The following KCNH1 variants were observed in gnomAD, a reference collection of about 807,000 sequenced individuals.
The protein encoded by KCNH1 is potassium voltage-gated channel subfamily H member 1, also known as voltage-gated delayed rectifier potassium channel KCNH1.
Under a neutral mutation model 69.2 loss-of-function variants are expected in KCNH1, and 27 were observed. The ratio of observed to expected loss-of-function variants is 0.39; its 90% CI spans 0.29 to 0.54. KCNH1 has a LOEUF of 0.54. Ranked by LOEUF, KCNH1 falls within the 20% of genes least tolerant of loss-of-function variation. The probability of loss-of-function intolerance (pLI) is 0.68; values close to 1 mark genes in which losing one functional copy is unlikely to be tolerated. For missense variants in KCNH1, 798 were observed against 1,261.6 expected, an observed-to-expected ratio of 0.63 and a Z score of 5.57; for synonymous variants, 456 against 487.7, an observed-to-expected ratio of 0.93 and a Z score of 0.86.
At position 210,797,414 on chromosome 1, in the gene KCNH1, G is replaced by C. The variant is rs539831425; in HGVS notation, c.1915+94C>G. 8.0e-5 allele frequency: 111 copies of C among 1,392,734 alleles called. No individual in the cohort carries two copies. The African/African-American group carries it at 1.4e-3, about 18-fold the overall frequency. 86.3% of individuals were successfully genotyped at this position (1,392,734 alleles called of 1,614,324 possible). A position where few individuals can be genotyped will look rare whatever the true frequency, so the allele number is the denominator to read the frequency against. ...TTAGCAATTGGCCCTGCCCTATGAAGCAATCTCTAACTGAAGGTGGCAGTG... is the reference window on the plus strand; with the variant it reads ...TTAGCAATTGGCCCTGCCCTATGAACCAATCTCTAACTGAAGGTGGCAGTG... On this transcript the variant is annotated intron_variant, in intron 9 of 10. Coordinates refer to ENST00000271751, the MANE Select transcript of KCNH1 (RefSeq NM_172362.3).
chr1:210,706,198 T>C (rs1681909177), intron 10 of KCNH1, among the ~76,000 whole-genome samples: 1 of 152,162 alleles, frequency 6.6e-6, no homozygotes, highest in African/African-American at 2.4e-5. Context: ...GAAGAGGAAG[T>C]TCCCCTTCCA....
At chr1:210,900,331 G>C (rs1041488247) in intron 7 of KCNH1, among the ~76,000 whole-genome samples, 1 of 152,320 alleles carries the variant, frequency 6.6e-6, no homozygotes, top group African/African-American at 2.4e-5. Flanking sequence ...AGCTGGGGCT[G>C]TTCAGACAGT....
chr1:210,868,377 T>A (rs1055901896), intron 7 of KCNH1, among the ~76,000 whole-genome samples: 1 of 152,030 alleles, frequency 6.6e-6, no homozygotes, highest in African/African-American at 2.4e-5. Context: ...AAATTTCATT[T>A]TCTTAATGGT....
At chr1:210,770,966 C>T (rs114701212) in intron 10 of KCNH1, among the ~76,000 whole-genome samples, 290 of 152,276 alleles carry the variant, frequency 1.9e-3, no homozygotes, top group Middle Eastern at 0.01. Context: ...CTCACAGGGT[C>T]CTAGTTTATT....
chr1:210,820,300 C>T (rs989083617), intron 7 of KCNH1, among the ~76,000 whole-genome samples: 4 of 152,102 alleles, frequency 2.6e-5, no homozygotes, highest in African/African-American at 9.7e-5. Flanking sequence ...TTTTAATAAT[C>T]CTAATTCCTA....
chr1:210,812,643 T>C (rs1684729854), intron 7 of KCNH1, among the ~76,000 whole-genome samples: 1 of 152,246 alleles, frequency 6.6e-6, no homozygotes, highest in Admixed American at 6.5e-5. Context: ...GTAGCTGTGC[T>C]GTTGCCTATG....
At chr1:211,020,328 G>A (rs1403583974) in intron 5 of KCNH1, among the ~76,000 whole-genome samples, 4 of 151,688 alleles carry the variant, frequency 2.6e-5, no homozygotes, top group Non-Finnish European at 2.9e-5. Context: ...CAAATACAAA[G>A]GATCATTAGA....
intron 7 of KCNH1, among the ~76,000 whole-genome samples, chr1:210,841,077 A>G (rs1685398296): frequency 6.6e-6 from 1 of 152,096 alleles, no homozygotes; most frequent in South Asian, 2.1e-4. Flanking sequence ...TAAAAAAACA[A>G]CTCAAAACCT....
At chr1:210,745,606 A>AC (rs1221981594) in intron 10 of KCNH1, among the ~76,000 whole-genome samples, 1 of 152,150 alleles carries the variant, frequency 6.6e-6, no homozygotes, top group East Asian at 1.9e-4. Context: ...ACTGTTCTGG[A>AC]AAGTACCACC....
intron 7 of KCNH1, among the ~76,000 whole-genome samples, chr1:210,896,010 T>C (rs1686858344): frequency 1.3e-5 from 2 of 152,140 alleles, no homozygotes; most frequent in African/African-American, 4.8e-5. Flanking sequence ...CAGGTATTGC[T>C]TATCAGAGTA....
intron 1 of KCNH1, among the ~76,000 whole-genome samples, chr1:211,126,827 G>A (rs2102502294): frequency 1.3e-5 from 2 of 151,912 alleles, no homozygotes; most frequent in East Asian, 3.9e-4. Flanking sequence ...ACAGAGCAAT[G>A]GGATATCCCA....
intron 1 of KCNH1, among the ~76,000 whole-genome samples, chr1:211,114,526 T>C (rs1485981396): frequency 6.6e-6 from 1 of 152,172 alleles, no homozygotes; most frequent in Non-Finnish European, 1.5e-5. Flanking sequence ...GCCATAAGAA[T>C]AAACAGGCTG....
chr1:211,005,878 T>G (rs1324521054), intron 6 of KCNH1, among the ~76,000 whole-genome samples: 1 of 152,088 alleles, frequency 6.6e-6, no homozygotes, highest in Non-Finnish European at 1.5e-5. Flanking sequence ...ATAAAGAACT[T>G]CTACAAATCA....
chr1:210,806,855 A>ATATATATATATATATATATATATATAT (rs1553346606), intron 7 of KCNH1, among the ~76,000 whole-genome samples: 6 of 127,386 alleles, frequency 4.7e-5, no homozygotes, highest in African/African-American at 9.1e-5. Flanking sequence ...ATATATATAT[A>ATATATATATATATATATATATATATAT]AATTTGCCGG....
chr1:210,746,185 T>C (rs1238902660), intron 10 of KCNH1, among the ~76,000 whole-genome samples: 2 of 152,108 alleles, frequency 1.3e-5, no homozygotes, highest in African/African-American at 4.8e-5. Context: ...TTTTTTCCCT[T>C]CTTACTCTGT....
intron 6 of KCNH1, among the ~76,000 whole-genome samples, chr1:210,958,319 T>G (rs1360695962): frequency 6.6e-6 from 1 of 152,206 alleles, no homozygotes. Context: ...TAACTTGACC[T>G]TTCACTCTGA....
At chr1:210,909,531 C>T (rs1687183374) in intron 7 of KCNH1, among the ~76,000 whole-genome samples, 2 of 152,218 alleles carry the variant, frequency 1.3e-5, no homozygotes, top group Admixed American at 1.3e-4. Context: ...ATTTAATTTG[C>T]ATCGTTTCCA....
At position 210,834,685 on chromosome 1, in the gene KCNH1, TA is replaced by T. The variant is rs55784518; in HGVS notation, c.1463-30520del. 8.9e-3 allele frequency among the ~76,000 whole-genome samples: 1,274 copies of T among 142,712 alleles called. 17 individuals are homozygous for T. Among genetic ancestry groups the T allele is most frequent in the African/African-American group, 0.027 (1,055 of 38,822 alleles). The allele number at this position is 142,712 out of a possible 152,430, so 93.6% of individuals were successfully genotyped here. A position where few individuals can be genotyped will look rare whatever the true frequency, so the allele number is the denominator to read the frequency against. On this transcript the variant is annotated intron_variant, in intron 7 of 10. Transcript: ENST00000271751. ...TGTACCCTAAAACTTAAAGTATAATTAAAAAAAAAAAAAAGAACTCCTAATC... is the reference window on the plus strand; with the variant it reads ...TGTACCCTAAAACTTAAAGTATAATTAAAAAAAAAAAAAGAACTCCTAATC...
In KCNH1 at chr1:210,775,399, G is replaced by A. The variant is rs377202808; in HGVS notation, c.2061C>T (p.Phe687=). The A allele has an allele frequency of 1.3e-4, 206 of 1,614,154 alleles. No individual in the cohort carries two copies. The South Asian group carries it at 2.1e-3, about 16-fold the overall frequency. The part of the protein sequence containing the change: ...LQKVLEFYTA[F]SHSFSRNLIL... ...TCAGGTTCCGGGAGAAGGAATGGGA[G>A]AAGGCCGTGTAGAATTCCAGCACTT... The change falls in exon 10 of 11, where the codon TTC becomes TTT. Residue 687 remains phenylalanine, a synonymous_variant. Coordinates refer to ENST00000271751, the MANE Select transcript of KCNH1 (RefSeq NM_172362.3).
Sources: gnomAD v4.1 joint callset for allele counts (sites outside exome capture counted in the v4.1 genomes callset) on GRCh38, gnomAD v4.1.1 for gene constraint, MANE v1.5 for transcripts, NCBI Gene and HGNC (gene_info 2026-07-23, HGNC 2026-07-21) for gene names.